The following TNRC6B variants were observed in gnomAD, a reference collection of about 807,000 sequenced individuals.
The protein encoded by TNRC6B is trinucleotide repeat containing adaptor 6B.
Under a neutral mutation model 203.6 loss-of-function variants are expected in TNRC6B, and 52 were observed. The ratio of observed to expected loss-of-function variants is 0.26; its 90% CI spans 0.20 to 0.32. The LOEUF is 0.32. TNRC6B is among the 10% of genes least tolerant of loss of function. The pLI is 1.00. For missense variants in TNRC6B, 1,923 were observed against 2,286.2 expected, an observed-to-expected ratio of 0.84 and a Z score of 3.24; for synonymous variants, 838 against 845.7, an observed-to-expected ratio of 0.99 and a Z score of 0.16.
intron 4 of TNRC6B, among the ~76,000 whole-genome samples, chr22:40,165,622 A>G (rs1469073349): frequency 6.6e-6 from 1 of 152,182 alleles, no homozygotes; most frequent in Non-Finnish European, 1.5e-5. Context: ...GGTAATTTAT[A>G]AAGGAAAGAA....
Position 40,266,063 on chromosome 22 carries a change from T to C in TNRC6B, c.1833T>C (p.Thr611=). ...QAVLQTLLSR[T]DLDPRVLSNT... ...TCTTGCAGACTCTTTTGAGCCGAAC[T>C]GATTTGGACCCCAGGGTGCTCTCAA... is the stretch of plus-strand genomic sequence containing the variant. The change falls in exon 5 of 23, where the codon ACT becomes ACC. Residue 611 remains threonine, a synonymous_variant. Coordinates refer to ENST00000454349, the MANE Select transcript of TNRC6B (RefSeq NM_001162501.2). 3.7e-6 allele frequency: 6 copies of C among 1,613,748 alleles called. No homozygotes were observed. The highest frequency in any genetic ancestry group is 5.1e-6 in the Non-Finnish European group (6 of 1,179,892).
intron 3 of TNRC6B, among the ~76,000 whole-genome samples, chr22:40,136,582 C>T (rs1396331526): frequency 2.0e-5 from 3 of 150,816 alleles, no homozygotes; most frequent in Non-Finnish European, 4.4e-5. Context: ...TTTTTTTTAA[C>T]TCTTTTTGTA....
chr22:40,150,093 C>G (rs907280014), intron 3 of TNRC6B, among the ~76,000 whole-genome samples: 2 of 152,174 alleles, frequency 1.3e-5, no homozygotes, highest in African/African-American at 2.4e-5. Flanking sequence ...TTATTAATGT[C>G]TGCTGCTCCC....
intron 3 of TNRC6B, among the ~76,000 whole-genome samples, chr22:40,134,930 G>C (rs1835111192): frequency 6.6e-6 from 1 of 152,142 alleles, no homozygotes; most frequent in South Asian, 2.1e-4. Flanking sequence ...GTTTTCCTGG[G>C]CTCACTAGGG....
At chr22:40,195,362 T>C (rs2069323569) in intron 1 of TNRC6B, among the ~76,000 whole-genome samples, 1 of 152,256 alleles carries the variant, frequency 6.6e-6, no homozygotes, top group African/African-American at 2.4e-5. Flanking sequence ...CCCAGTGTTT[T>C]CTTTTGAGGC....
intron 3 of TNRC6B, among the ~76,000 whole-genome samples, chr22:40,257,631 G>A (rs573257535): frequency 1.6e-4 from 25 of 151,624 alleles, no homozygotes; most frequent in Admixed American, 4.6e-4. Context: ...CAGGAGAATC[G>A]CTTGATCCTG....
At chr22:40,125,950 A>T in intron 3 of TNRC6B, 1 of 1,297,950 alleles carries the variant, frequency 7.7e-7, no homozygotes, top group Non-Finnish European at 1.0e-6. Context: ...ATTTTACATG[A>T]CTGTAAAAAT....
At chr22:40,227,113 T>TG (rs2069799591) in intron 1 of TNRC6B, among the ~76,000 whole-genome samples, 2 of 143,568 alleles carry the variant, frequency 1.4e-5, no homozygotes, top group Non-Finnish European at 3.0e-5. Flanking sequence ...ATTATTATTA[T>TG]TATTTGTATT....
In TNRC6B at chr22:40,163,397, CAAAAAAA is replaced by C. The variant is rs1032013873; in HGVS notation, c.113+7232_113+7238del. 4.2e-3 allele frequency among the ~76,000 whole-genome samples: 84 copies of C among 20,084 alleles called. 1 individual carries two copies. The highest frequency in any genetic ancestry group is 0.01 in the African/African-American group (53 of 5,220). 13.2% of individuals were successfully genotyped at this position (20,084 alleles called of 152,430 possible). On this transcript the variant is annotated intron_variant, in intron 4 of 23. Coordinates refer to the TNRC6B transcript ENST00000301923. ...TGGGTGACAGAACAAGACCCTGTCTCAAAAAAAAAAAAAAAAAAAAAAAGTAATTTTA... is the reference window on the plus strand; with the variant it reads ...TGGGTGACAGAACAAGACCCTGTCTCAAAAAAAAAAAAAAAAGTAATTTTA...
intron 1 of TNRC6B, among the ~76,000 whole-genome samples, chr22:40,088,674 C>CT (rs775214309): frequency 6.6e-6 from 1 of 150,826 alleles, no homozygotes; most frequent in Non-Finnish European, 1.5e-5. Context: ...AGGCTGGTCT[C>CT]TAACTCCTGA....
At chr22:40,272,096 A>G (rs1015322858) in intron 6 of TNRC6B, among the ~76,000 whole-genome samples, 2 of 152,224 alleles carry the variant, frequency 1.3e-5, no homozygotes, top group East Asian at 1.9e-4. Flanking sequence ...AGTGGATGCT[A>G]TAAAGCCTAT....
chr22:40,263,829 C>A (rs1240565438), intron 4 of TNRC6B, among the ~76,000 whole-genome samples: 1 of 152,168 alleles, frequency 6.6e-6, no homozygotes, highest in Non-Finnish European at 1.5e-5. Flanking sequence ...AGTGGGTATT[C>A]ATCATTCAGC....
At chr22:40,078,298 G>A (rs1332588768) in intron 1 of TNRC6B, among the ~76,000 whole-genome samples, 1 of 152,198 alleles carries the variant, frequency 6.6e-6, no homozygotes, top group East Asian at 1.9e-4. Context: ...GAGGTGGGAA[G>A]ATTGCTTGAG....
chr22:40,156,740 A>G (rs2068821431), intron 4 of TNRC6B, among the ~76,000 whole-genome samples: 1 of 143,954 alleles, frequency 6.9e-6, no homozygotes, highest in Non-Finnish European at 1.5e-5. Flanking sequence ...TTAAGGGGTA[A>G]TTGGTTTGTT....
intron 4 of TNRC6B, among the ~76,000 whole-genome samples, chr22:40,159,226 G>A (rs879530582): frequency 2.6e-5 from 4 of 151,246 alleles, no homozygotes; most frequent in Non-Finnish European, 5.9e-5. Context: ...GCCTCCCAAA[G>A]TGCTGGGATT....
chr22:40,133,385 A>G (rs545670493), intron 3 of TNRC6B, among the ~76,000 whole-genome samples: 1 of 152,258 alleles, frequency 6.6e-6, no homozygotes, highest in South Asian at 2.1e-4. Context: ...CTAGTTGCTG[A>G]TGTCGTAGGT....
chr22:40,092,649 T>C (rs1296550558), intron 1 of TNRC6B, among the ~76,000 whole-genome samples: 1 of 152,120 alleles, frequency 6.6e-6, no homozygotes, highest in East Asian at 1.9e-4. Context: ...GCCAGAACTA[T>C]AGGTATGCAC....
chr22:40,162,629 A>G lies in TNRC6B; in HGVS notation c.113+6447A>G, dbSNP rs118081481. 2.0e-4 allele frequency among the ~76,000 whole-genome samples: 31 copies of G among 152,318 alleles called. No homozygotes were observed. The East Asian group carries it at 5.8e-3, about 28-fold the overall frequency. ...TGTTGTTAACGTTTTAATTTTGTGTATTACACCATAAGGTTTTCTCCAGTT... is the reference window on the plus strand; with the variant it reads ...TGTTGTTAACGTTTTAATTTTGTGTGTTACACCATAAGGTTTTCTCCAGTT... On this transcript the variant is annotated intron_variant, in intron 4 of 23. Coordinates refer to the TNRC6B transcript ENST00000301923.
At chr22:40,270,340 C>T (rs545498715) in intron 6 of TNRC6B, 60 bp downstream of exon 6, 111 of 1,314,954 alleles carry the variant, frequency 8.4e-5, no homozygotes, top group Middle Eastern at 2.9e-4. Flanking sequence ...TTAATTGAGA[C>T]GGAGTTTCAC....
Sources: gnomAD v4.1 joint callset for allele counts (sites outside exome capture counted in the v4.1 genomes callset) on GRCh38, gnomAD v4.1.1 for gene constraint, MANE v1.5 for transcripts, NCBI Gene and HGNC (gene_info 2026-07-23, HGNC 2026-07-21) for gene names.